REDIC1: variants seen among roughly 807,000 people sequenced by gnomAD.
REDIC1 encodes the protein HEI10 Interacting Protein 1.
the REDIC1 span, among the ~76,000 whole-genome samples, chr12:39,844,034 AAC>A: frequency 3.9e-5 from 6 of 152,050 alleles, no homozygotes; most frequent in African/African-American, 1.4e-4. Flanking sequence ...ATAAGGTAAG[AAC>A]ACAGTTTTGC....
the REDIC1 span, among the ~76,000 whole-genome samples, chr12:39,738,421 C>T: frequency 1.3e-5 from 2 of 152,034 alleles, no homozygotes; most frequent in Non-Finnish European, 2.9e-5. Flanking sequence ...CAAGGTAAAC[C>T]AAGGGAGCTG....
chr12:39,905,665 T>G, the REDIC1 span, among the ~76,000 whole-genome samples: 1 of 152,132 alleles, frequency 6.6e-6, no homozygotes, highest in Non-Finnish European at 1.5e-5. Flanking sequence ...AGACATCTTA[T>G]GTCTATAAAC....
chr12:39,712,874 C>T, the REDIC1 span, among the ~76,000 whole-genome samples: 2 of 142,126 alleles, frequency 1.4e-5, no homozygotes, highest in Non-Finnish European at 1.5e-5. Context: ...CACGTATATA[C>T]ACGTATATAC....
chr12:39,738,247 A>T, the REDIC1 span, among the ~76,000 whole-genome samples: 2 of 152,238 alleles, frequency 1.3e-5, no homozygotes, highest in African/African-American at 4.8e-5. Flanking sequence ...GCATGTTGGC[A>T]TGAGAGTTAA....
At chr12:39,847,978 CACCTGGCACAAATGCAGT>C in the REDIC1 span, among the ~76,000 whole-genome samples, 1 of 152,102 alleles carries the variant, frequency 6.6e-6, no homozygotes, top group Non-Finnish European at 1.5e-5. Flanking sequence ...GTTTCCTTAA[CACCTGGCACAAATGCAGT>C]ACCTGGTGCA....
At chr12:39,692,459 T>C in the REDIC1 span, among the ~76,000 whole-genome samples, 108 of 152,082 alleles carry the variant, frequency 7.1e-4, 1 homozygote, top group African/African-American at 2.5e-3. Context: ...TGTTTTTTGT[T>C]ATAACACAGA....
chr12:39,863,258 C>T, the REDIC1 span, among the ~76,000 whole-genome samples: 4 of 152,112 alleles, frequency 2.6e-5, no homozygotes, highest in African/African-American at 7.2e-5. Context: ...TCATAAACTG[C>T]TGTGCAGTGA....
the REDIC1 span, among the ~76,000 whole-genome samples, chr12:39,783,469 T>TA: frequency 6.6e-6 from 1 of 152,222 alleles, no homozygotes; most frequent in Non-Finnish European, 1.5e-5. Context: ...ATGGTTGAAC[T>TA]AGTTTACAGT....
At chr12:39,690,835 A>T in the REDIC1 span, among the ~76,000 whole-genome samples, 3 of 152,144 alleles carry the variant, frequency 2.0e-5, no homozygotes, top group African/African-American at 7.2e-5. Flanking sequence ...GATGGAGGAC[A>T]TTTGTGAATA....
chr12:39,750,050 G>A, the REDIC1 span, among the ~76,000 whole-genome samples: 1 of 152,188 alleles, frequency 6.6e-6, no homozygotes, highest in Non-Finnish European at 1.5e-5. Flanking sequence ...TCAAGATAGT[G>A]TTGGAAGTTC....
At chr12:39,837,876 C>G in the REDIC1 span, among the ~76,000 whole-genome samples, 1 of 151,176 alleles carries the variant, frequency 6.6e-6, no homozygotes, top group Non-Finnish European at 1.5e-5. Context: ...AATAGAAACA[C>G]TTTTACACTG....
chr12:39,893,270 G>T, the REDIC1 span, among the ~76,000 whole-genome samples: 3 of 152,120 alleles, frequency 2.0e-5, no homozygotes, highest in African/African-American at 7.2e-5. Flanking sequence ...CTATTTTATA[G>T]AAAACAAAAC....
the REDIC1 span, among the ~76,000 whole-genome samples, chr12:39,713,244 GTACACACACATACGT>G: frequency 0.11 from 8,882 of 78,078 alleles, 1,692 homozygotes; most frequent in African/African-American, 0.31. Context: ...GTATATATGT[GTACACACACATACGT>G]GTATATATGT....
At chr12:39,897,230 T>A in the REDIC1 span, among the ~76,000 whole-genome samples, 1 of 152,212 alleles carries the variant, frequency 6.6e-6, no homozygotes, top group Non-Finnish European at 1.5e-5. Context: ...GAAACCTACA[T>A]GACTAGCACA....
the REDIC1 span, among the ~76,000 whole-genome samples, chr12:39,733,625 C>T: frequency 2.6e-5 from 4 of 152,198 alleles, no homozygotes; most frequent in Non-Finnish European, 4.4e-5. Flanking sequence ...TTTAGAGAGG[C>T]AGTCTGGCTA....
At chr12:39,859,928 T>G in the REDIC1 span, among the ~76,000 whole-genome samples, 1 of 152,210 alleles carries the variant, frequency 6.6e-6, no homozygotes, top group Non-Finnish European at 1.5e-5. Context: ...AAGATCTGTA[T>G]CAAAGAGGTA....
chr12:39,748,207 C>G, the REDIC1 span, among the ~76,000 whole-genome samples: 1 of 151,550 alleles, frequency 6.6e-6, no homozygotes, highest in Non-Finnish European at 1.5e-5. Context: ...CACATAGGCT[C>G]AAAATAAAGG....
chr12:39,656,095 T>G, the REDIC1 span, among the ~76,000 whole-genome samples: 1 of 152,216 alleles, frequency 6.6e-6, no homozygotes, highest in African/African-American at 2.4e-5. Context: ...GGTAAAATTT[T>G]GTTAGGAAAT....
At chr12:39,778,875 G>GC in the REDIC1 span, among the ~76,000 whole-genome samples, 1 of 152,170 alleles carries the variant, frequency 6.6e-6, no homozygotes, top group African/African-American at 2.4e-5. Flanking sequence ...AGTTGGCAGG[G>GC]CTTCCAGGAA....
Sources: gnomAD v4.1 joint callset for allele counts (sites outside exome capture counted in the v4.1 genomes callset) on GRCh38, gnomAD v4.1.1 for gene constraint, MANE v1.5 for transcripts, NCBI Gene and HGNC (gene_info 2026-07-23, HGNC 2026-07-21) for gene names.